The following PIEZO2 variants were observed in gnomAD, a reference collection of about 807,000 sequenced individuals.
PIEZO2 encodes piezo type mechanosensitive ion channel component 2, also known as piezo-type mechanosensitive ion channel component 2.
PIEZO2 carries 172 observed loss-of-function variants against 337.3 expected under a neutral mutation model. The observed-to-expected ratio is 0.51, with a 90% CI of 0.45 to 0.58. The LOEUF (loss-of-function observed/expected upper bound fraction) is 0.58. Among genes scored for constraint, PIEZO2 ranks in the 20% least tolerant of loss-of-function variants. The pLI is 0.00. For synonymous variants in PIEZO2, 1,251 were observed against 1,228.5 expected, an observed-to-expected ratio of 1.02 and a Z score of -0.38; for missense variants, 3,028 against 3,391.3, an observed-to-expected ratio of 0.89 and a Z score of 2.66.
Position 10,748,849 on chromosome 18 carries a change from C to T in PIEZO2, c.4265-219G>A, listed in dbSNP as rs140697193. Among the ~76,000 whole-genome samples the T allele has an allele frequency of 2.4e-3, 365 of 152,268 alleles. 1 individual carries two copies. Among genetic ancestry groups the T allele is most frequent in the East Asian group, 6.6e-3 (34 of 5,178 alleles). On this transcript the variant is annotated intron_variant, in intron 29 of 55. Transcript: ENST00000674853. The surrounding 1 kb of genome is among the most constrained non-coding windows in gnomAD (Gnocchi z 5.1). Reference sequence around the variant, plus strand: ...GGCTGACCATGCATTGAACTCTTCACACTACAAGGCTCAGGAGGGCCCTTT... The same window carrying T: ...GGCTGACCATGCATTGAACTCTTCATACTACAAGGCTCAGGAGGGCCCTTT...
At chr18:11,049,791 A>T (rs555236032) in intron 2 of PIEZO2, among the ~76,000 whole-genome samples, 19 of 152,196 alleles carry the variant, frequency 1.2e-4, no homozygotes, top group Non-Finnish European at 1.6e-4. Flanking sequence ...CATGATTGTG[A>T]GGCCTCCCCA....
chr18:11,092,296 T>C lies in PIEZO2; in HGVS notation c.65-26074A>G, dbSNP rs1379379184. On this transcript the variant is annotated intron_variant, in intron 1 of 55. Transcript: ENST00000674853. This position sits in a 1 kb window ranked among gnomAD's most constrained non-coding sequence, Gnocchi z 4.5. ...ATATTATGGAATACTGTTCATCCAT[T>C]TGAAATTAGCTTGACAGAGTATTTG... 6.6e-6 allele frequency among the ~76,000 whole-genome samples: 1 copy of C among 152,206 alleles called. No homozygotes were observed. The highest frequency in any genetic ancestry group is 1.5e-5 in the Non-Finnish European group (1 of 68,038).
chr18:11,049,438 G>T (rs2037439898), intron 2 of PIEZO2, among the ~76,000 whole-genome samples: 1 of 152,206 alleles, frequency 6.6e-6, no homozygotes, highest in Non-Finnish European at 1.5e-5. Flanking sequence ...TTTGTCAAAT[G>T]AGTAAATGAA....
At chr18:10,955,776 AAG>A (rs2033492243) in intron 3 of PIEZO2, among the ~76,000 whole-genome samples, 1 of 152,254 alleles carries the variant, frequency 6.6e-6, no homozygotes, top group Non-Finnish European at 1.5e-5. Context: ...CTTAGTAAGT[AAG>A]TATTACCATT....
intron 3 of PIEZO2, among the ~76,000 whole-genome samples, chr18:10,961,917 A>G (rs755236446): frequency 1.6e-4 from 25 of 152,228 alleles, no homozygotes; most frequent in Non-Finnish European, 3.5e-4. Flanking sequence ...CTAGAGATCC[A>G]TTAATGAAAA....
Position 10,750,985 on chromosome 18 carries a change from C to T in PIEZO2, c.4168-798G>A, listed in dbSNP as rs2037625042. On this transcript the variant is annotated intron_variant, in intron 28 of 55. Transcript: ENST00000674853. This position sits in a 1 kb window ranked among gnomAD's most constrained non-coding sequence, Gnocchi z 4.1. ...CTAAGAATGCCTTCCCCCTTTGTCT[C>T]CCTGCAGACCCTTCAATCTATTTAT... Among the ~76,000 whole-genome samples the T allele has an allele frequency of 6.6e-6, 1 of 152,212 alleles. No individual in the cohort carries two copies. Among genetic ancestry groups the T allele is most frequent in the South Asian group, 2.1e-4 (1 of 4,820 alleles).
In PIEZO2 at chr18:10,856,909, G is replaced by A. The variant is rs1283646782; in HGVS notation, c.703+92C>T. 1.7e-6 allele frequency: 2 copies of A among 1,185,198 alleles called. No individual in the cohort carries two copies. Among genetic ancestry groups the A allele is most frequent in the Non-Finnish European group, 2.4e-6 (2 of 836,624 alleles). 73.4% of individuals were successfully genotyped at this position (1,185,198 alleles called of 1,614,324 possible). ...TGATATTCATGTGGTGGAACAGACT[G>A]TTTCCTTCATTTCTTCTTCAACCAT... On this transcript the variant is annotated intron_variant, in intron 6 of 55. Transcript: ENST00000674853. This position sits in a 1 kb window ranked among gnomAD's most constrained non-coding sequence, Gnocchi z 4.7.
intron 7 of PIEZO2, among the ~76,000 whole-genome samples, chr18:10,817,651 C>T (rs563776355): frequency 3.8e-4 from 58 of 152,172 alleles, no homozygotes; most frequent in South Asian, 2.1e-3. Context: ...TGGCTGGGCG[C>T]GGTGGCTCAC....
chr18:10,802,620 G>A (rs890480302), intron 9 of PIEZO2, among the ~76,000 whole-genome samples: 1 of 152,028 alleles, frequency 6.6e-6, no homozygotes, highest in African/African-American at 2.4e-5. Context: ...GTGGTGTTCC[G>A]GTTGAAGTAG....
At chr18:11,063,045 T>C (rs545435458) in intron 2 of PIEZO2, among the ~76,000 whole-genome samples, 20 of 151,978 alleles carry the variant, frequency 1.3e-4, no homozygotes, top group African/African-American at 4.6e-4. Context: ...ATTAAGAAAA[T>C]GTGGCACATA....
chr18:10,934,127 A>G (rs1316988124), intron 3 of PIEZO2, among the ~76,000 whole-genome samples: 1 of 152,248 alleles, frequency 6.6e-6, no homozygotes, highest in East Asian at 1.9e-4. Flanking sequence ...CAGTCTATCA[A>G]AATATTTCTG....
At position 11,143,022 on chromosome 18, in the gene PIEZO2, T is replaced by C. The variant is rs1326502374; in HGVS notation, c.64+5503A>G. Among the ~76,000 whole-genome samples the C allele has an allele frequency of 6.6e-6, 1 of 152,052 alleles. No homozygotes were observed. Among genetic ancestry groups the C allele is most frequent in the Non-Finnish European group, 1.5e-5 (1 of 68,016 alleles). On this transcript the variant is annotated intron_variant, in intron 1 of 55. Transcript: ENST00000674853. This position sits in a 1 kb window ranked among gnomAD's most constrained non-coding sequence, Gnocchi z 4.9. The stretch of plus-strand genomic sequence containing the variant: ...TGAACCCAGGAGGCGGAGCTTGCAG[T>C]GAGCCAAGATCACGCCACTGCACTC...
chr18:10,999,911 A>T (rs766040020), intron 2 of PIEZO2, among the ~76,000 whole-genome samples: 22 of 152,332 alleles, frequency 1.4e-4, no homozygotes, highest in South Asian at 4.1e-4. Flanking sequence ...GGGACTTCGA[A>T]ATAAACTCAG....
chr18:11,147,723 G>A (rs1213436105), intron 1 of PIEZO2, among the ~76,000 whole-genome samples: 1 of 152,212 alleles, frequency 6.6e-6, no homozygotes, highest in African/African-American at 2.4e-5. Context: ...GAAACGGTCC[G>A]ACTCCCAGAA....
rs1451715979 is a variant in PIEZO2, at chr18:11,125,482, A to G, written c.64+23043T>C. On this transcript the variant is annotated intron_variant, in intron 1 of 55. Coordinates refer to ENST00000674853, the MANE Select transcript of PIEZO2 (RefSeq NM_001378183.1). The surrounding 1 kb of genome is among the most constrained non-coding windows in gnomAD (Gnocchi z 4.4). ...TAGACCCCTCTGTTTAGCTGACAAAACACGTGTTTAGTGCTAAGAGTCCAG... is the reference window on the plus strand; with the variant it reads ...TAGACCCCTCTGTTTAGCTGACAAAGCACGTGTTTAGTGCTAAGAGTCCAG... Among the ~76,000 whole-genome samples, 1 of 152,134 alleles carries G rather than the reference A, an allele frequency of 6.6e-6. No homozygotes were observed. The highest frequency in any genetic ancestry group is 1.5e-5 in the Non-Finnish European group (1 of 68,016).
Position 10,889,382 on chromosome 18 carries a change from G to C in PIEZO2, c.330-17967C>G, listed in dbSNP as rs2042694682. Among the ~76,000 whole-genome samples the C allele has an allele frequency of 2.0e-5, 3 of 152,210 alleles. No homozygotes were observed. In the South Asian group the frequency reaches 6.2e-4, roughly 32 times the overall value. ...TGAGAAATCTTTGGATTTTGATAAT[G>C]AATTATTTTAAGGCTTTTGGACACA... is the stretch of plus-strand genomic sequence containing the variant. On this transcript the variant is annotated intron_variant, in intron 4 of 55. Coordinates refer to ENST00000674853, the MANE Select transcript of PIEZO2 (RefSeq NM_001378183.1).
chr18:10,726,796 C>T lies in PIEZO2; in HGVS notation c.5029+4611G>A, dbSNP rs2036562963. ...CAAGGTGTCCTATGAGGATGTGGACCACCTGCGGCCCCATGGGGTGCTGGA... is the reference window on the plus strand; with the variant it reads ...CAAGGTGTCCTATGAGGATGTGGACTACCTGCGGCCCCATGGGGTGCTGGA... On this transcript the variant is annotated intron_variant, in intron 36 of 55. Transcript: ENST00000674853. This position sits in a 1 kb window ranked among gnomAD's most constrained non-coding sequence, Gnocchi z 5.9. 6.4e-6 allele frequency: 10 copies of T among 1,552,466 alleles called. No homozygotes were observed. Among genetic ancestry groups the T allele is most frequent in the Non-Finnish European group, 8.8e-6 (10 of 1,131,026 alleles).
intron 14 of PIEZO2, 41 bp downstream of exon 14, chr18:10,791,159 CT>C (rs1568061750): frequency 6.8e-7 from 1 of 1,481,256 alleles, no homozygotes; most frequent in Admixed American, 2.3e-5. Flanking sequence ...TGTAATTTTG[CT>C]GAGCACCAAA....
intron 10 of PIEZO2, 100 bp from the exon 11 acceptor site, chr18:10,800,575 A>T: frequency 3.0e-6 from 4 of 1,341,178 alleles, no homozygotes; most frequent in South Asian, 1.7e-5. Context: ...CTGAACAGTG[A>T]GGAGTTGATT....
Sources: gnomAD v4.1 joint callset for allele counts (sites outside exome capture counted in the v4.1 genomes callset) on GRCh38, gnomAD v4.1.1 for gene constraint, Gnocchi (gnomAD v3.1) non-coding constraint, MANE v1.5 for transcripts, NCBI Gene and HGNC (gene_info 2026-07-23, HGNC 2026-07-21) for gene names.